ABHD14A: variants seen among roughly 807,000 people sequenced by gnomAD.
ABHD14A encodes the protein protein ABHD14A.
A neutral mutation model predicts 27.0 loss-of-function variants in ABHD14A; 19 were observed. That is an observed-to-expected ratio of 0.70 (90% CI 0.49 to 1.03). The LOEUF is 1.03. Among genes scored for constraint, ABHD14A ranks in the 50% least tolerant of loss-of-function variants. ABHD14A has a pLI of 0.00. For missense variants in ABHD14A, 311 were observed against 344.6 expected (o/e 0.90, Z 0.77); for synonymous variants, 148 against 158.8 (o/e 0.93, Z 0.51).
At chr3:51,979,386 T>C (rs1235944286) in intron 3 of ABHD14A, among the ~76,000 whole-genome samples, 1 of 152,084 alleles carries the variant, frequency 6.6e-6, no homozygotes, top group Non-Finnish European at 1.5e-5. Flanking sequence ...TCTTTGAGCA[T>C]GTGAGCAATA....
At chr3:51,978,438 A>G in intron 3 of ABHD14A, 64 bp downstream of exon 3, 1 of 1,344,920 alleles carries the variant, frequency 7.4e-7, no homozygotes, top group Non-Finnish European at 1.0e-6. Context: ...ACTGGACCCT[A>G]GGGTCTGGAC....
intron 3 of ABHD14A, 72 bp downstream of exon 3, chr3:51,978,446 G>A (rs767440876): frequency 8.4e-6 from 10 of 1,195,946 alleles, no homozygotes; most frequent in Middle Eastern, 2.1e-4. Context: ...CTAGGGTCTG[G>A]ACAGGCCGTG....
In ABHD14A at chr3:51,981,029, T is replaced by C; in HGVS notation, c.*11T>C. The C allele has an allele frequency of 6.3e-7, 1 of 1,599,206 alleles. No homozygotes were observed. The highest frequency in any genetic ancestry group is 8.6e-7 in the Non-Finnish European group (1 of 1,167,714). On this transcript the variant is annotated 3_prime_UTR_variant, in exon 5 of 5. Transcript: ENST00000273596. The stretch of plus-strand genomic sequence containing the variant: ...GACCATCTACCTTGAACTAACCCAC[T>C]CCCAGCTCCCAGCCTGGCATGAGCT...
chr3:51,976,492 T>C (rs1335154978), intron 1 of ABHD14A, among the ~76,000 whole-genome samples: 1 of 151,738 alleles, frequency 6.6e-6, no homozygotes. Flanking sequence ...CTGGCCAACA[T>C]GGTGAAACCC....
In ABHD14A at chr3:51,981,126, T is replaced by A; in HGVS notation, c.*108T>A. 7.9e-7 allele frequency: 1 copy of A among 1,261,256 alleles called. No individual in the cohort carries two copies. The highest frequency in any genetic ancestry group is 1.1e-6 in the Non-Finnish European group (1 of 901,248). The allele number at this position is 1,261,256 out of a possible 1,614,324, so 78.1% of individuals were successfully genotyped here. ...TGGGATTGGAGGCCAGAGGCCAGGG[T>A]CAGACCCAGCCAGGACTCCTCATTT... On this transcript the variant is annotated 3_prime_UTR_variant, in exon 5 of 5. Coordinates refer to ENST00000273596, the MANE Select transcript of ABHD14A (RefSeq NM_015407.5).
chr3:51,976,580 CAGG>C (rs2106811217), intron 1 of ABHD14A, among the ~76,000 whole-genome samples: 1 of 152,336 alleles, frequency 6.6e-6, no homozygotes, highest in East Asian at 1.9e-4. Context: ...GAGGCTGAGG[CAGG>C]AGAATTGCTT....
intron 3 of ABHD14A, chr3:51,978,929 G>T (rs1286611847): frequency 3.1e-6 from 1 of 322,372 alleles, no homozygotes; most frequent in East Asian, 1.1e-4. Flanking sequence ...TATAGGTTTT[G>T]TGTTTTTAAG....
At chr3:51,978,238 C>G in intron 2 of ABHD14A, 21 bp from the exon 3 acceptor site, 1 of 1,545,046 alleles carries the variant, frequency 6.5e-7, no homozygotes, top group Non-Finnish European at 8.8e-7. Context: ...CCAGCAAACA[C>G]ATTCCCCTGT....
Position 51,981,158 on chromosome 3 carries a change from A to C in ABHD14A, c.*140A>C. 3.5e-6 allele frequency: 3 copies of C among 853,730 alleles called. No individual in the cohort carries two copies. The highest frequency in any genetic ancestry group is 5.4e-6 in the Non-Finnish European group (3 of 557,880). The allele number at this position is 853,730 out of a possible 1,614,324, so 52.9% of individuals were successfully genotyped here. ...CAGCCAGGACTCCTCATTTCATCTC[A>C]CAGACACAATAAAAAAGCATATTTG... On this transcript the variant is annotated 3_prime_UTR_variant, in exon 5 of 5. Coordinates refer to ENST00000273596, the MANE Select transcript of ABHD14A (RefSeq NM_015407.5).
At chr3:51,980,726 G>A in intron 4 of ABHD14A, 98 bp downstream of exon 4, 2 of 1,554,600 alleles carry the variant, frequency 1.3e-6, no homozygotes, top group Non-Finnish European at 1.8e-6. Flanking sequence ...CCTTATCCCT[G>A]ACCTTGGATG....
intron 3 of ABHD14A, chr3:51,978,926 T>C (rs1700849717): frequency 3.1e-6 from 1 of 321,932 alleles, no homozygotes; most frequent in Non-Finnish European, 6.7e-6. Flanking sequence ...CCATATAGGT[T>C]TTGTGTTTTT....
chr3:51,976,285 G>C (rs1042698681), intron 1 of ABHD14A, among the ~76,000 whole-genome samples: 1 of 152,246 alleles, frequency 6.6e-6, no homozygotes, highest in Non-Finnish European at 1.5e-5. Flanking sequence ...CTGGGGATGC[G>C]GGCTCAGGAA....
chr3:51,975,369 G>A (rs1184519095), intron 1 of ABHD14A, among the ~76,000 whole-genome samples, 165 bp downstream of exon 1: 1 of 151,296 alleles, frequency 6.6e-6, no homozygotes, highest in East Asian at 1.9e-4. Context: ...CGCAGGGTCT[G>A]CATATGTTCT....
Position 51,981,096 on chromosome 3 carries a change from GC to G in ABHD14A, c.*80del. 2 of 1,520,004 alleles carry G rather than the reference GC, an allele frequency of 1.3e-6. No homozygotes were observed. Among genetic ancestry groups the G allele is most frequent in the South Asian group, 2.4e-5 (2 of 82,120 alleles). 94.2% of individuals were successfully genotyped at this position (1,520,004 alleles called of 1,614,324 possible). The stretch of plus-strand genomic sequence containing the variant: ...CCACCCTCCCTGAACCAGGGAGACA[GC>G]CTCTGGGATTGGAGGCCAGAGGCCA... On this transcript the variant is annotated 3_prime_UTR_variant, in exon 5 of 5. Transcript: ENST00000273596.
intron 1 of ABHD14A, 72 bp from the exon 2 acceptor site, chr3:51,977,799 T>G: frequency 7.1e-7 from 1 of 1,414,560 alleles, no homozygotes; most frequent in Admixed American, 1.8e-5. Flanking sequence ...CTGGGTGGGG[T>G]TTTGGGATGG....
Position 51,981,179 on chromosome 3 carries a change from A to G in ABHD14A, c.*161A>G, listed in dbSNP as rs1406127232. 11 of 745,044 alleles carry G rather than the reference A, an allele frequency of 1.5e-5. No homozygotes were observed. The highest frequency in any genetic ancestry group is 2.3e-5 in the Non-Finnish European group (11 of 477,830). The allele number at this position is 745,044 out of a possible 1,614,324, so 46.2% of individuals were successfully genotyped here. On this transcript the variant is annotated 3_prime_UTR_variant, in exon 5 of 5. Coordinates refer to ENST00000273596, the MANE Select transcript of ABHD14A (RefSeq NM_015407.5). ...TCTCACAGACACAATAAAAAAGCAT[A>G]TTTGTCCTGCCTGGGAAGTGACAGG...
intron 4 of ABHD14A, 36 bp from the exon 5 acceptor site, chr3:51,980,800 G>A (rs1474899070): frequency 6.3e-7 from 1 of 1,597,490 alleles, no homozygotes; most frequent in African/African-American, 1.3e-5. Flanking sequence ...AAACTCATCA[G>A]GCCCCAAGAT....
Position 51,978,034 on chromosome 3 carries a change from A to C in ABHD14A, c.233A>C (p.Asn78Thr). 1 of 1,613,964 alleles carries C rather than the reference A, an allele frequency of 6.2e-7. No homozygotes were observed. The highest frequency in any genetic ancestry group is 8.5e-7 in the Non-Finnish European group (1 of 1,180,014). ...GTCCTGGCTGGTCTCACCCCTGGCA[A>C]CTCGCCCATCTTTTACCGCGAGGTG... ...VTVLAGLTPG[N>T]SPIFYREVLP... is the part of the protein sequence containing the mutation. The change falls in exon 2 of 5, where the codon AAC becomes ACC. Residue 78 changes from asparagine to threonine, a missense_variant. Coordinates refer to ENST00000273596, the MANE Select transcript of ABHD14A (RefSeq NM_015407.5).
Position 51,975,122 on chromosome 3 carries a change from C to T in ABHD14A, c.-14C>T. Reference sequence around the variant, plus strand: ...CCTAGAGCCGGAGCGGCCCGCGGAGCTGCGGAGGCAGCCATGGTCGGGGCG... The same window carrying T: ...CCTAGAGCCGGAGCGGCCCGCGGAGTTGCGGAGGCAGCCATGGTCGGGGCG... On this transcript the variant is annotated 5_prime_UTR_variant, in exon 1 of 5. Transcript: ENST00000273596. 7.7e-7 allele frequency: 1 copy of T among 1,293,476 alleles called. No individual in the cohort carries two copies. The highest frequency in any genetic ancestry group is 9.8e-7 in the Non-Finnish European group (1 of 1,020,692). 80.1% of individuals were successfully genotyped at this position (1,293,476 alleles called of 1,614,324 possible). A position where few individuals can be genotyped will look rare whatever the true frequency, so the allele number is the denominator to read the frequency against.
Sources: gnomAD v4.1 joint callset for allele counts (sites outside exome capture counted in the v4.1 genomes callset) on GRCh38, gnomAD v4.1.1 for gene constraint, MANE v1.5 for transcripts, NCBI Gene and HGNC (gene_info 2026-07-23, HGNC 2026-07-21) for gene names.